Variants in SLCO1B3 observed in about 807,000 individuals in gnomAD.
SLCO1B3 encodes solute carrier organic anion transporter family member 1B3, also known as liver-specific organic anion transporter 2.
In SLCO1B3, 72 loss-of-function variants were observed where a neutral mutation model predicts 71.8. The observed-to-expected ratio is 1.00, with a 90% confidence interval of 0.83 to 1.22. SLCO1B3 has a LOEUF of 1.22. SLCO1B3 is among the 50% of genes most tolerant of loss of function. The pLI is 0.00. For synonymous variants in SLCO1B3, 298 were observed against 278.4 expected (o/e 1.07, Z -0.70); for missense variants, 911 against 819.7 (o/e 1.11, Z -1.36).
At chr12:20,817,946 T>G (rs1864221647) in intron 3 of SLCO1B3, among the ~76,000 whole-genome samples, 1 of 152,068 alleles carries the variant, frequency 6.6e-6, no homozygotes, top group Non-Finnish European at 1.5e-5. Flanking sequence ...AGATATCAGC[T>G]GTGATGGCTT....
intron 15 of SLCO1B3, among the ~76,000 whole-genome samples, chr12:20,907,451 TCCTTCCCCTC>T (rs1419196777): frequency 2.8e-5 from 3 of 109,012 alleles, no homozygotes; most frequent in Admixed American, 1.1e-4. Flanking sequence ...CCCTTCCCCT[TCCTTCCCCTC>T]CCTTCCCCTT....
chr12:20,823,538 A>C (rs1350317058), intron 3 of SLCO1B3, among the ~76,000 whole-genome samples: 5 of 152,184 alleles, frequency 3.3e-5, no homozygotes, highest in African/African-American at 1.2e-4. Context: ...AGTAGGACCA[A>C]TTTATTGGTA....
chr12:20,862,775 A>T lies in SLCO1B3; in HGVS notation c.648A>T (p.Gly216=). 6.2e-7 allele frequency: 1 copy of T among 1,611,032 alleles called. No individual in the cohort carries two copies. The highest frequency in any genetic ancestry group is 8.5e-7 in the Non-Finnish European group (1 of 1,177,748). ...TTACAGGTAGTTTGAATGCAATAGG[A>T]ATGATTGGTCCAGTCATTGGCTTTG... ...SLYLGSLNAI[G]MIGPVIGFAL... The change falls in exon 8 of 16, where the codon GGA becomes GGT. Residue 216 remains glycine, a synonymous_variant. Coordinates refer to ENST00000381545, the MANE Select transcript of SLCO1B3 (RefSeq NM_019844.4).
chr12:20,909,319 C>G (rs1335750022), intron 15 of SLCO1B3, among the ~76,000 whole-genome samples: 1 of 138,586 alleles, frequency 7.2e-6, no homozygotes, highest in East Asian at 2.2e-4. Flanking sequence ...GCACCCACCA[C>G]CACGCCTGGC....
intron 15 of SLCO1B3, among the ~76,000 whole-genome samples, chr12:20,913,504 G>T (rs140590428): frequency 9.2e-5 from 14 of 152,144 alleles, no homozygotes; most frequent in African/African-American, 3.1e-4. Context: ...TTTTGTAAAA[G>T]GATAATAGGA....
At chr12:20,837,127 T>C (rs7953377) in intron 3 of SLCO1B3, among the ~76,000 whole-genome samples, 109,695 of 151,930 alleles carry the variant, frequency 0.72, 42,199 homozygotes, top group South Asian at 0.9. Context: ...CATTATTATC[T>C]TTTTAATGTC....
Position 20,915,987 on chromosome 12 carries a change from A to G in SLCO1B3, c.1866-17A>G. Reference sequence around the variant, plus strand: ...CATTTAAAATAATAATCGACTCTCTATTTTCTCTTTTCACAGAAGGGTCTA... The same window carrying G: ...CATTTAAAATAATAATCGACTCTCTGTTTTCTCTTTTCACAGAAGGGTCTA... On this transcript the variant is annotated splice_polypyrimidine_tract_variant and intron_variant, in intron 15 of 15. Coordinates refer to ENST00000381545, the MANE Select transcript of SLCO1B3 (RefSeq NM_019844.4). 1 of 1,566,376 alleles carries G rather than the reference A, an allele frequency of 6.4e-7. No individual in the cohort carries two copies. The highest frequency in any genetic ancestry group is 1.9e-5 in the Admixed American group (1 of 52,860).
In SLCO1B3 at chr12:20,862,443, G is replaced by A. The variant is rs1240024616; in HGVS notation, c.513G>A (p.Trp171Ter). ...TAAAGGAATCTGGGTCACACATGTGGATCTATGTCTTCATGGGGAATATGC... is the reference window on the plus strand; with the variant it reads ...TAAAGGAATCTGGGTCACACATGTGAATCTATGTCTTCATGGGGAATATGC... ...DCVKESGSHM[W>*]IYVFMGNMLR... Residue 171 changes from tryptophan (W) to a stop codon, truncating the protein, a stop_gained, in exon 7 of 16, where the codon TGG becomes TGA. Transcript: ENST00000381545. LOFTEE classifies it high-confidence loss of function. The A allele has an allele frequency of 6.2e-7, 1 of 1,613,042 alleles. No individual in the cohort carries two copies. The highest frequency in any genetic ancestry group is 8.5e-7 in the Non-Finnish European group (1 of 1,179,504).
chr12:20,900,104 A>G (rs1866097581), intron 14 of SLCO1B3, among the ~76,000 whole-genome samples: 1 of 152,196 alleles, frequency 6.6e-6, no homozygotes, highest in African/African-American at 2.4e-5. Flanking sequence ...CGTGAAGAAA[A>G]TAAATTGTTG....
intron 8 of SLCO1B3, among the ~76,000 whole-genome samples, chr12:20,870,933 A>G (rs1356144610): frequency 6.6e-6 from 1 of 152,180 alleles, no homozygotes; most frequent in African/African-American, 2.4e-5. Context: ...TTTAGCATCA[A>G]TTGAAATGAT....
chr12:20,908,784 A>G (rs1323716571), intron 15 of SLCO1B3, among the ~76,000 whole-genome samples: 1 of 152,206 alleles, frequency 6.6e-6, no homozygotes, highest in Non-Finnish European at 1.5e-5. Context: ...ACATTTGCCT[A>G]CTGAAGGACA....
intron 8 of SLCO1B3, among the ~76,000 whole-genome samples, chr12:20,866,933 A>G (rs1389087047): frequency 6.6e-6 from 1 of 152,176 alleles, no homozygotes; most frequent in East Asian, 1.9e-4. Flanking sequence ...TTTTGGTTGT[A>G]TGACAAGAAG....
chr12:20,843,202 G>C (rs1040233209), intron 3 of SLCO1B3, among the ~76,000 whole-genome samples: 1 of 151,826 alleles, frequency 6.6e-6, no homozygotes, highest in Non-Finnish European at 1.5e-5. Context: ...TTAAATTTTA[G>C]ATATTATATC....
At chr12:20,896,871 C>G (rs1001046471) in intron 13 of SLCO1B3, among the ~76,000 whole-genome samples, 1 of 152,116 alleles carries the variant, frequency 6.6e-6, no homozygotes. Flanking sequence ...CTGGGGAAAC[C>G]TCACAATCAT....
chr12:20,859,090 T>A (rs151323346), intron 5 of SLCO1B3: 1 of 152,410 alleles, frequency 6.6e-6, no homozygotes, highest in South Asian at 2.1e-4. Context: ...AAGGATGATA[T>A]GATTCTACTT....
At chr12:20,819,955 C>G (rs1361132192) in intron 3 of SLCO1B3, among the ~76,000 whole-genome samples, 1 of 152,004 alleles carries the variant, frequency 6.6e-6, no homozygotes. Context: ...GTCAGGGAAG[C>G]AGATAATTTG....
intron 3 of SLCO1B3, among the ~76,000 whole-genome samples, chr12:20,817,104 C>T (rs147675316): frequency 1.4e-3 from 208 of 152,248 alleles, no homozygotes; most frequent in African/African-American, 4.9e-3. Context: ...GTGATTAATT[C>T]CTTGACAGAT....
chr12:20,913,112 G>A (rs1565611652), intron 15 of SLCO1B3, among the ~76,000 whole-genome samples: 1 of 152,260 alleles, frequency 6.6e-6, no homozygotes, highest in South Asian at 2.1e-4. Flanking sequence ...TTGGTTGATA[G>A]TGTTGTTGAG....
At chr12:20,893,825 C>G (rs1443325503) in intron 13 of SLCO1B3, among the ~76,000 whole-genome samples, 1 of 152,102 alleles carries the variant, frequency 6.6e-6, no homozygotes, top group Admixed American at 6.6e-5. Flanking sequence ...TCTTGACATT[C>G]TGCTGGTGAC....
Sources: gnomAD v4.1 joint callset for allele counts (sites outside exome capture counted in the v4.1 genomes callset) on GRCh38, gnomAD v4.1.1 for gene constraint, MANE v1.5 for transcripts, NCBI Gene and HGNC (gene_info 2026-07-23, HGNC 2026-07-21) for gene names.